The following MARCHF1 variants were observed in gnomAD, a reference collection of about 807,000 sequenced individuals.
MARCHF1 encodes the protein E3 ubiquitin-protein ligase MARCHF1.
Under a neutral mutation model 54.2 loss-of-function variants are expected in MARCHF1, and 40 were observed. The ratio of observed to expected loss-of-function variants is 0.74; its 90% CI spans 0.57 to 0.96. The LOEUF is 0.96. MARCHF1 is among the 40% of genes least tolerant of loss of function. The probability of loss-of-function intolerance (pLI) is 0.00; values close to 1 mark genes in which losing one functional copy is unlikely to be tolerated. For synonymous variants in MARCHF1, 236 were observed against 236.3 expected (o/e 1.00, Z 0.01); for missense variants, 586 against 656.5 (o/e 0.89, Z 1.17).
intron 5 of MARCHF1, among the ~76,000 whole-genome samples, chr4:163,650,512 G>T (rs998490549): frequency 2.7e-5 from 4 of 150,170 alleles, no homozygotes; most frequent in Non-Finnish European, 4.4e-5. Context: ...AATACTGCCT[G>T]CATTATATGT....
At chr4:164,019,618 T>C (rs1344091140) in intron 2 of MARCHF1, among the ~76,000 whole-genome samples, 1 of 152,200 alleles carries the variant, frequency 6.6e-6, no homozygotes, top group Admixed American at 6.5e-5. Flanking sequence ...TCAATTGTCT[T>C]TGACACTTCG....
intron 1 of MARCHF1, among the ~76,000 whole-genome samples, chr4:164,146,683 T>G (rs1729753708): frequency 6.6e-6 from 1 of 152,082 alleles, no homozygotes; most frequent in African/African-American, 2.4e-5. Flanking sequence ...CAAGATGGAT[T>G]AAAGACTTAA....
intron 1 of MARCHF1, among the ~76,000 whole-genome samples, chr4:164,160,381 T>C (rs577228421): frequency 6.6e-6 from 1 of 152,146 alleles, no homozygotes; most frequent in Non-Finnish European, 1.5e-5. Flanking sequence ...ATGGTCTCTG[T>C]GTATTTAAGC....
intron 1 of MARCHF1, among the ~76,000 whole-genome samples, chr4:164,282,575 C>T (rs1455434126): frequency 6.6e-6 from 1 of 151,106 alleles, no homozygotes; most frequent in Non-Finnish European, 1.5e-5. Context: ...ACTCCCTTAC[C>T]ACACACTCTC....
At chr4:164,313,498 T>C (rs1167732157) in intron 1 of MARCHF1, among the ~76,000 whole-genome samples, 1 of 152,094 alleles carries the variant, frequency 6.6e-6, no homozygotes, top group South Asian at 2.1e-4. Context: ...AGGGTAAAGA[T>C]ACACTGCTTA....
chr4:163,780,289 A>C (rs918077756), intron 4 of MARCHF1, among the ~76,000 whole-genome samples: 2 of 152,240 alleles, frequency 1.3e-5, no homozygotes, highest in African/African-American at 4.8e-5. Context: ...TGTGCATGGA[A>C]AGCTGTCAAA....
At chr4:163,697,325 C>T (rs1183465171) in intron 5 of MARCHF1, among the ~76,000 whole-genome samples, 1 of 152,130 alleles carries the variant, frequency 6.6e-6, no homozygotes, top group East Asian at 1.9e-4. Context: ...GGGTGAAGCA[C>T]TACTTATGGA....
intron 3 of MARCHF1, among the ~76,000 whole-genome samples, chr4:163,939,514 A>C (rs1415932275): frequency 2.6e-5 from 4 of 152,102 alleles, no homozygotes; most frequent in Non-Finnish European, 5.9e-5. Flanking sequence ...CACTCTTCAC[A>C]CTCTATGCTC....
intron 1 of MARCHF1, among the ~76,000 whole-genome samples, chr4:164,213,642 TA>T (rs1731844495): frequency 6.6e-6 from 1 of 152,130 alleles, no homozygotes; most frequent in Non-Finnish European, 1.5e-5. Context: ...TCAATATTTT[TA>T]AAAAATTAAA....
At chr4:164,150,044 A>G (rs942676759) in intron 1 of MARCHF1, among the ~76,000 whole-genome samples, 1 of 152,150 alleles carries the variant, frequency 6.6e-6, no homozygotes, top group African/African-American at 2.4e-5. Flanking sequence ...GTCTCATAAA[A>G]CGATGTGATG....
chr4:163,995,526 C>T (rs867862461), intron 2 of MARCHF1, among the ~76,000 whole-genome samples: 2 of 152,130 alleles, frequency 1.3e-5, no homozygotes, highest in Middle Eastern at 3.4e-3. Context: ...CAGCCTTCAT[C>T]CTGAAGCTAC....
chr4:163,615,435 A>T (rs373700067), intron 5 of MARCHF1, among the ~76,000 whole-genome samples: 1 of 152,248 alleles, frequency 6.6e-6, no homozygotes, highest in African/African-American at 2.4e-5. Context: ...CCCCAGTGAA[A>T]CAAAGTAGAT....
chr4:163,681,525 T>A (rs1234984858), intron 5 of MARCHF1, among the ~76,000 whole-genome samples: 6 of 152,174 alleles, frequency 3.9e-5, no homozygotes, highest in Non-Finnish European at 5.9e-5. Flanking sequence ...GACATATAAT[T>A]CAGGTAACTG....
chr4:164,139,888 T>C (rs1159242456), intron 1 of MARCHF1, among the ~76,000 whole-genome samples: 1 of 152,010 alleles, frequency 6.6e-6, no homozygotes, highest in East Asian at 1.9e-4. Context: ...CAAACAAAAA[T>C]TTGACTTCAA....
chr4:164,356,413 A>T (rs2110906903), intron 1 of MARCHF1, among the ~76,000 whole-genome samples: 1 of 136,860 alleles, frequency 7.3e-6, no homozygotes, highest in Middle Eastern at 3.5e-3. Context: ...TGGCACATAT[A>T]CACCATGGAA....
At chr4:164,112,938 T>C (rs1007685596) in intron 1 of MARCHF1, among the ~76,000 whole-genome samples, 8 of 146,576 alleles carry the variant, frequency 5.5e-5, no homozygotes, top group African/African-American at 1.9e-4. Flanking sequence ...AAATAAATTA[T>C]GTATTTTCAA....
chr4:163,621,167 C>A (rs911771675), intron 5 of MARCHF1, among the ~76,000 whole-genome samples: 8 of 152,268 alleles, frequency 5.3e-5, no homozygotes, highest in African/African-American at 1.9e-4. Context: ...TCTTGAAATA[C>A]TATAATTCTT....
chr4:163,870,167 AG>A (rs1750140154), intron 3 of MARCHF1, among the ~76,000 whole-genome samples: 1 of 152,122 alleles, frequency 6.6e-6, no homozygotes, highest in Non-Finnish European at 1.5e-5. Context: ...AATAATGTAA[AG>A]GAAAAAAATG....
At chr4:163,953,068 C>G (rs1337046213) in intron 3 of MARCHF1, among the ~76,000 whole-genome samples, 1 of 152,100 alleles carries the variant, frequency 6.6e-6, no homozygotes, top group Non-Finnish European at 1.5e-5. Context: ...ATTTTTTGAC[C>G]TCCATGTTCT....
Sources: gnomAD v4.1 joint callset for allele counts (sites outside exome capture counted in the v4.1 genomes callset) on GRCh38, gnomAD v4.1.1 for gene constraint, MANE v1.5 for transcripts, NCBI Gene and HGNC (gene_info 2026-07-23, HGNC 2026-07-21) for gene names.